The following CREBBP variants were observed in gnomAD, a reference collection of about 807,000 sequenced individuals.
The protein encoded by CREBBP is CREB-binding protein.
A neutral mutation model predicts 265.0 loss-of-function variants in CREBBP; 19 were observed. The ratio of observed to expected loss-of-function variants is 0.07; its 90% confidence interval spans 0.05 to 0.11. The LOEUF (loss-of-function observed/expected upper bound fraction) is 0.11, where lower values mean the gene tolerates loss of function less well. Among genes scored for constraint, CREBBP ranks in the 10% least tolerant of loss-of-function variants. The pLI is 1.00. For synonymous variants in CREBBP, 1,457 were observed against 1,223.7 expected, an observed-to-expected ratio of 1.19 and a Z score of -3.98; for missense variants, 2,525 against 3,219.0, an observed-to-expected ratio of 0.78 and a Z score of 5.22.
At chr16:3,756,686 G>C (rs1000878684) in intron 19 of CREBBP, among the ~76,000 whole-genome samples, 8 of 152,264 alleles carry the variant, frequency 5.3e-5, no homozygotes, top group Non-Finnish European at 1.2e-4. Context: ...CTTTTCCTCT[G>C]CCTTATAGGA....
At chr16:3,735,423 C>T (rs1288215638) in intron 28 of CREBBP, among the ~76,000 whole-genome samples, 1 of 152,054 alleles carries the variant, frequency 6.6e-6, no homozygotes, top group South Asian at 2.1e-4. Context: ...CAACCTCCCT[C>T]GTAGCTGGGA....
At chr16:3,735,251 T>A (rs914762440) in intron 28 of CREBBP, among the ~76,000 whole-genome samples, 1 of 152,222 alleles carries the variant, frequency 6.6e-6, no homozygotes, top group African/African-American at 2.4e-5. Flanking sequence ...GGGTTCTTTT[T>A]GTTTCACATC....
intron 24 of CREBBP, 40 bp downstream of exon 24, chr16:3,740,359 G>C (rs2151339572): frequency 1.2e-5 from 19 of 1,611,896 alleles, no homozygotes; most frequent in Non-Finnish European, 1.5e-5. Context: ...GCGGGCGTGG[G>C]GACTGCTCGC....
intron 1 of CREBBP, among the ~76,000 whole-genome samples, chr16:3,879,612 G>A (rs1406450346): frequency 1.3e-5 from 2 of 152,184 alleles, no homozygotes; most frequent in Non-Finnish European, 2.9e-5. Context: ...ATCGGGTGCG[G>A]GGAGGCCGAG....
intron 2 of CREBBP, among the ~76,000 whole-genome samples, chr16:3,822,188 CAT>C (rs1250047951): frequency 1.3e-5 from 2 of 152,132 alleles, no homozygotes; most frequent in Admixed American, 6.5e-5. Flanking sequence ...AGACCTTCCA[CAT>C]AGAGCGCTCA....
intron 23 of CREBBP, chr16:3,740,763 C>A (rs904696625): frequency 4.7e-6 from 3 of 638,128 alleles, no homozygotes; most frequent in Non-Finnish European, 8.3e-6. Flanking sequence ...CTCCTGAAAA[C>A]CGTTTACGTG....
At chr16:3,870,868 T>C (rs2055279409) in intron 1 of CREBBP, among the ~76,000 whole-genome samples, 1 of 151,956 alleles carries the variant, frequency 6.6e-6, no homozygotes, top group Non-Finnish European at 1.5e-5. Flanking sequence ...TAAGCAGAAG[T>C]AGAGCCAGGC....
At chr16:3,739,461 T>A (rs879289408) in intron 25 of CREBBP, 117 bp downstream of exon 25, 16 of 1,228,582 alleles carry the variant, frequency 1.3e-5, no homozygotes, top group Non-Finnish European at 1.9e-5. Context: ...TAATTGTGGT[T>A]TCATTTACTT....
intron 9 of CREBBP, 147 bp from the exon 10 acceptor site, chr16:3,778,329 A>G (rs2053194482): frequency 2.9e-6 from 2 of 682,558 alleles, no homozygotes; most frequent in Non-Finnish European, 5.1e-6. Context: ...AGAAGCCCAC[A>G]TTCTTGCTGA....
In CREBBP at chr16:3,725,515, C is replaced by A; in HGVS notation, c.*2203G>T. 1.7e-5 allele frequency: 4 copies of A among 233,314 alleles called. No homozygotes were observed. The highest frequency in any genetic ancestry group is 2.5e-5 in the Non-Finnish European group (3 of 118,070). 14.5% of individuals were successfully genotyped at this position (233,314 alleles called of 1,614,324 possible). On this transcript the variant is annotated 3_prime_UTR_variant, in exon 31 of 31. Transcript: ENST00000262367. ...CTACGGGTGGAAAAGATGAAGAGGACACTGGAGGTTAAGAACCCAGCAGGC... is the reference window on the plus strand; with the variant it reads ...CTACGGGTGGAAAAGATGAAGAGGAAACTGGAGGTTAAGAACCCAGCAGGC...
Position 3,879,890 on chromosome 16 carries a change from C to A in CREBBP, c.27G>T (p.Pro9=), listed in dbSNP as rs1450883522. The change falls in exon 1 of 31, where the codon CCG becomes CCT. Residue 9 remains proline (P), a synonymous_variant. Coordinates refer to ENST00000262367, the MANE Select transcript of CREBBP (RefSeq NM_004380.3). The part of the protein sequence containing the change: MAENLLDG[P]PNPKRAKLSS... ...TGAGTTTGGCTCTTTTGGGGTTGGG[C>A]GGTCCGTCCAGCAAGTTCTCAGCCA... is the stretch of plus-strand genomic sequence containing the variant. 1 of 1,612,618 alleles carries A rather than the reference C, an allele frequency of 6.2e-7. No individual in the cohort carries two copies. The highest frequency in any genetic ancestry group is 8.5e-7 in the Non-Finnish European group (1 of 1,179,334).
At chr16:3,860,464 T>C (rs1054457667) in intron 1 of CREBBP, among the ~76,000 whole-genome samples, 1 of 152,148 alleles carries the variant, frequency 6.6e-6, no homozygotes, top group Non-Finnish European at 1.5e-5. Flanking sequence ...GCAATCCTCC[T>C]GCCTCAGCCT....
At position 3,731,878 on chromosome 16, in the gene CREBBP, G is replaced by A. The variant is rs752665502; in HGVS notation, c.4788C>T (p.Asn1596=). Residue 1596 remains asparagine (N), a synonymous_variant, in exon 29 of 31, where the codon AAC becomes AAT. Coordinates refer to ENST00000262367, the MANE Select transcript of CREBBP (RefSeq NM_004380.3). This position sits in a 1 kb window ranked among gnomAD's most constrained non-coding sequence, Gnocchi z 7.7. The part of the protein sequence containing the change: ...KKKNNKKTNK[N]KSSISRANKK... ...TGTTGGCGCGGCTGATGCTGCTTTT[G>A]TTCTTGTTGGTTTTCTTGTTGTTCT... 11 of 1,614,144 alleles carry A rather than the reference G, an allele frequency of 6.8e-6. No homozygotes were observed. In the African/African-American group the frequency reaches 1.5e-4, roughly 22 times the overall value.
intron 22 of CREBBP, 88 bp downstream of exon 22, chr16:3,745,186 GACA>G (rs2052312058): frequency 1.3e-5 from 16 of 1,206,428 alleles, no homozygotes; most frequent in Non-Finnish European, 1.9e-5. Context: ...AATTCTTGCT[GACA>G]ACAATGAATG....
rs572044729 is a variant in CREBBP at position 3,794,385 on chromosome 16, A to G, written c.976-759T>C. ...AAAAAAGATTTGCCAAGGCCTGACC[A>G]ATTGCAATGTACTACAAACATTTGA... On this transcript the variant is annotated intron_variant, in intron 3 of 30. Transcript: ENST00000262367. 2.7e-5 allele frequency among the ~76,000 whole-genome samples: 4 copies of G among 149,098 alleles called. No individual in the cohort carries two copies. In the East Asian group the frequency reaches 5.9e-4, roughly 22 times the overall value.
intron 1 of CREBBP, among the ~76,000 whole-genome samples, chr16:3,858,600 C>A (rs73503929): frequency 4.6e-5 from 7 of 152,220 alleles, no homozygotes; most frequent in African/African-American, 1.4e-4. Context: ...AATAAACCCA[C>A]GTGCTGAATG....
rs2051917604 is a variant in CREBBP, at chr16:3,731,562, G to A, written c.4891-89C>T. The A allele has an allele frequency of 6.7e-7, 1 of 1,490,866 alleles. No homozygotes were observed. The highest frequency in any genetic ancestry group is 1.4e-5 in the African/African-American group (1 of 72,460). The allele number at this position is 1,490,866 out of a possible 1,614,324, so 92.4% of individuals were successfully genotyped here. On this transcript the variant is annotated intron_variant, in intron 29 of 30. Coordinates refer to ENST00000262367, the MANE Select transcript of CREBBP (RefSeq NM_004380.3). This position sits in a 1 kb window ranked among gnomAD's most constrained non-coding sequence, Gnocchi z 7.7. Reference sequence around the variant, plus strand: ...GGCAGGCGCAGCCACCCAGCCTGCAGAATAGGCAGGTGGCTGAGCCTGATG... The same window carrying A: ...GGCAGGCGCAGCCACCCAGCCTGCAAAATAGGCAGGTGGCTGAGCCTGATG...
At chr16:3,736,375 C>T in intron 27 of CREBBP, 172 bp from the exon 28 acceptor site, 1 of 777,758 alleles carries the variant, frequency 1.3e-6, no homozygotes, top group East Asian at 2.7e-5. Flanking sequence ...CCCCCCACCA[C>T]AGTGCTGGAG....
chr16:3,824,623 C>T (rs376289898), intron 2 of CREBBP, among the ~76,000 whole-genome samples: 3 of 152,314 alleles, frequency 2.0e-5, no homozygotes, highest in African/African-American at 7.2e-5. Flanking sequence ...GAGTGATGGC[C>T]TCCCACCTCT....
Sources: allele counts gnomAD v4.1 joint callset (sites outside exome capture counted in the v4.1 genomes callset), GRCh38; gene constraint gnomAD v4.1.1; non-coding constraint Gnocchi (gnomAD v3.1); transcripts MANE v1.5; gene names NCBI Gene and HGNC (gene_info 2026-07-23, HGNC 2026-07-21).